HEXB: variants seen among roughly 807,000 people sequenced by gnomAD.
HEXB encodes hexosaminidase subunit beta.
Under a neutral mutation model 71.2 loss-of-function variants are expected in HEXB, and 51 were observed. The observed-to-expected ratio is 0.72, with a 90% CI of 0.57 to 0.90. The LOEUF (loss-of-function observed/expected upper bound fraction) is 0.90. Among genes scored for constraint, HEXB ranks in the 40% least tolerant of loss-of-function variants. The pLI, the probability that HEXB is intolerant of heterozygous loss-of-function variation, is 0.00. For missense variants in HEXB, 617 were observed against 677.0 expected, an observed-to-expected ratio of 0.91 and a Z score of 0.98; for synonymous variants, 266 against 249.3, an observed-to-expected ratio of 1.07 and a Z score of -0.63.
At chr5:74,669,383 T>C (rs1463312089) in intron 1 of HEXB, among the ~76,000 whole-genome samples, 1 of 152,124 alleles carries the variant, frequency 6.6e-6, no homozygotes, top group Non-Finnish European at 1.5e-5. Context: ...ATTTGATAAA[T>C]ATGCACTTTC....
intron 1 of HEXB, among the ~76,000 whole-genome samples, chr5:74,656,560 T>C (rs903103857): frequency 2.7e-5 from 4 of 150,844 alleles, no homozygotes; most frequent in Non-Finnish European, 5.9e-5. Context: ...GAGAAGCAGA[T>C]GAGGAACCAC....
chr5:74,657,972 A>C (rs1351602234), intron 1 of HEXB, among the ~76,000 whole-genome samples: 1 of 152,188 alleles, frequency 6.6e-6, no homozygotes, highest in Non-Finnish European at 1.5e-5. Context: ...GCTCCCAAGA[A>C]TCTCCAGTGC....
intron 2 of HEXB, among the ~76,000 whole-genome samples, chr5:74,692,501 G>T (rs1158060435): frequency 6.6e-6 from 1 of 152,180 alleles, no homozygotes; most frequent in East Asian, 1.9e-4. Flanking sequence ...ACAAGAATTT[G>T]CTATAGATGT....
chr5:74,651,048 A>G (rs930906000), intron 1 of HEXB, among the ~76,000 whole-genome samples: 3 of 152,212 alleles, frequency 2.0e-5, no homozygotes, highest in Non-Finnish European at 4.4e-5. Flanking sequence ...AATTTTCATA[A>G]AGCAAGTTTC....
rs777622409 is a variant in HEXB at position 74,721,097 on chromosome 5, CTTTATTCATG to C, written c.1614-18_1614-9del. ...ATCAATCTAAATCAATCTAAAATAT[CTTTATTCATG>C]TTATCTACAGACGTGGAATAGCTGC... On this transcript the variant is annotated splice_polypyrimidine_tract_variant and intron_variant, in intron 13 of 13. Coordinates refer to ENST00000261416, the MANE Select transcript of HEXB (RefSeq NM_000521.4). The C allele has an allele frequency of 1.8e-5, 29 of 1,571,926 alleles. No homozygotes were observed. The highest frequency in any genetic ancestry group is 1.0e-4 in the Admixed American group (6 of 59,906).
At chr5:74,664,211 G>A (rs1440860444) in intron 1 of HEXB, among the ~76,000 whole-genome samples, 1 of 151,170 alleles carries the variant, frequency 6.6e-6, no homozygotes, top group Non-Finnish European at 1.5e-5. Flanking sequence ...AGCCAAGATT[G>A]TGCCATTACA....
At chr5:74,720,384 A>G (rs754303404) in intron 11 of HEXB, 44 bp from the exon 12 acceptor site, 2 of 1,335,260 alleles carry the variant, frequency 1.5e-6, no homozygotes, top group Non-Finnish European at 2.2e-6. Context: ...GCCTCTGTGT[A>G]TAAGCTTTGA....
chr5:74,719,960 C>CAT, intron 11 of HEXB: 1 of 169,542 alleles, frequency 5.9e-6, no homozygotes, highest in Non-Finnish European at 1.3e-5. Flanking sequence ...AAAAAACACA[C>CAT]ACATTAAGTA....
chr5:74,709,690 A>G (rs1467734084), intron 6 of HEXB, among the ~76,000 whole-genome samples: 2 of 152,262 alleles, frequency 1.3e-5, no homozygotes, highest in Admixed American at 6.5e-5. Flanking sequence ...AAAATCTAGA[A>G]GAAATGGATA....
chr5:74,672,784 C>G (rs575074119), intron 1 of HEXB, among the ~76,000 whole-genome samples: 1 of 152,198 alleles, frequency 6.6e-6, no homozygotes, highest in Non-Finnish European at 1.5e-5. Flanking sequence ...AGTCCCCTCC[C>G]GGTTCAGCTT....
Position 74,713,605 on chromosome 5 carries a change from A to G in HEXB, c.871A>G (p.Thr291Ala). 6.2e-7 allele frequency: 1 copy of G among 1,613,176 alleles called. No individual in the cohort carries two copies. The highest frequency in any genetic ancestry group is 1.1e-5 in the South Asian group (1 of 91,062). Reference protein sequence around the residue: ...RGIRVLPEFDTPGHTLSWGKG... With the variant: ...RGIRVLPEFDAPGHTLSWGKG... Reference sequence around the variant, plus strand: ...AATTCGAGTCCTGCCAGAATTTGATACCCCTGGGCATACACTATCTTGGGG... The same window carrying G: ...AATTCGAGTCCTGCCAGAATTTGATGCCCCTGGGCATACACTATCTTGGGG... The change falls in exon 7 of 14, where the codon ACC becomes GCC. Residue 291 changes from threonine to alanine, a missense_variant. Coordinates refer to ENST00000261416, the MANE Select transcript of HEXB (RefSeq NM_000521.4).
At chr5:74,697,945 C>CT (rs917740292) in intron 5 of HEXB, among the ~76,000 whole-genome samples, 3 of 151,424 alleles carry the variant, frequency 2.0e-5, no homozygotes, top group Admixed American at 1.3e-4. Context: ...CTCCTATGGG[C>CT]TTTTTTTTAT....
intron 1 of HEXB, among the ~76,000 whole-genome samples, chr5:74,676,189 T>C (rs373232247): frequency 6.6e-6 from 1 of 152,200 alleles, no homozygotes; most frequent in East Asian, 1.9e-4. Flanking sequence ...ATTATTTTTG[T>C]TATTATTATT....
intron 1 of HEXB, among the ~76,000 whole-genome samples, chr5:74,666,390 T>C (rs1035500582): frequency 6.6e-6 from 1 of 152,266 alleles, no homozygotes; most frequent in Non-Finnish European, 1.5e-5. Flanking sequence ...TTCATAATAG[T>C]AGGTCAAGTT....
chr5:74,668,769 C>T (rs942767901), intron 1 of HEXB, among the ~76,000 whole-genome samples: 6 of 152,178 alleles, frequency 3.9e-5, no homozygotes, highest in African/African-American at 1.2e-4. Context: ...TTCTGATGGT[C>T]TCCAATCTTG....
intron 1 of HEXB, among the ~76,000 whole-genome samples, chr5:74,642,290 C>T (rs1266777029): frequency 1.3e-5 from 2 of 152,024 alleles, no homozygotes; most frequent in African/African-American, 4.8e-5. Context: ...AGAGTCTCGG[C>T]TTGAGGCTGA....
chr5:74,688,897 T>C (rs555286144), intron 1 of HEXB, among the ~76,000 whole-genome samples: 1 of 152,216 alleles, frequency 6.6e-6, no homozygotes, highest in Admixed American at 6.5e-5. Flanking sequence ...TTTAGTGTAG[T>C]GGCAACTAGT....
chr5:74,673,413 A>C (rs933203705), intron 1 of HEXB, among the ~76,000 whole-genome samples: 9 of 152,202 alleles, frequency 5.9e-5, no homozygotes, highest in African/African-American at 2.2e-4. Flanking sequence ...CTGCCACAGA[A>C]TGTTCCCACT....
chr5:74,705,469 A>G (rs1052612187), intron 6 of HEXB, 149 bp downstream of exon 6: 6 of 643,906 alleles, frequency 9.3e-6, no homozygotes, highest in African/African-American at 1.8e-5. Context: ...GTGACTTAGC[A>G]TTTTACATCC....
Sources: allele counts gnomAD v4.1 joint callset (sites outside exome capture counted in the v4.1 genomes callset), GRCh38; gene constraint gnomAD v4.1.1; transcripts MANE v1.5; gene names NCBI Gene and HGNC (gene_info 2026-07-23, HGNC 2026-07-21).